Variants in CGGBP1 observed in about 807,000 individuals in gnomAD.
CGGBP1 encodes CGG triplet repeat-binding protein 1.
In CGGBP1, 4 loss-of-function variants were observed where a neutral mutation model predicts 11.4. The observed-to-expected ratio is 0.35, with a 90% CI of 0.17 to 0.80. The LOEUF (loss-of-function observed/expected upper bound fraction) is 0.80, where lower values mean the gene tolerates loss of function less well. CGGBP1 is among the 30% of genes least tolerant of loss of function. The pLI, the probability that CGGBP1 is intolerant of heterozygous loss-of-function variation, is 0.52. For missense variants in CGGBP1, 135 were observed against 202.1 expected, an observed-to-expected ratio of 0.67 and a Z score of 2.01; for synonymous variants, 76 against 74.1, an observed-to-expected ratio of 1.03 and a Z score of -0.13.
intron 2 of CGGBP1, among the ~76,000 whole-genome samples, chr3:88,116,603 G>A (rs1234370383): frequency 6.7e-6 from 1 of 148,822 alleles, no homozygotes; most frequent in Non-Finnish European, 1.5e-5. Context: ...ATATATGTGT[G>A]TATATATGTT....
upstream of CGGBP1, chr3:88,059,586 C>T: frequency 1.4e-6 from 2 of 1,439,824 alleles, no homozygotes; most frequent in African/African-American, 1.4e-5. Flanking sequence ...GTCCATGAAT[C>T]TGGTCTATGT....
At position 88,131,640 on chromosome 3, in the gene CGGBP1, C is replaced by A. The variant is rs1271893954; in HGVS notation, c.-229+9330G>T. 4.6e-5 allele frequency among the ~76,000 whole-genome samples: 7 copies of A among 152,216 alleles called. No homozygotes were observed. In the East Asian group the frequency reaches 1.4e-3, roughly 29 times the overall value. ...GTCTTCTGGCTCCTGGCCACAGAAA[C>A]CTTCTAAGAATAGAGGCTCAGTGTC... On this transcript the variant is annotated intron_variant, in intron 2 of 3. Transcript: ENST00000462901.
intron 2 of CGGBP1, among the ~76,000 whole-genome samples, chr3:88,071,916 A>G (rs1168669589): frequency 2.0e-5 from 3 of 152,244 alleles, no homozygotes; most frequent in East Asian, 3.9e-4. Flanking sequence ...AACTTCAACA[A>G]CTATTAAATG....
chr3:88,107,473 A>G (rs1286690000), intron 2 of CGGBP1, among the ~76,000 whole-genome samples: 4 of 152,134 alleles, frequency 2.6e-5, no homozygotes, highest in Admixed American at 2.6e-4. Context: ...AGCTAGATGT[A>G]TAATTGTTTT....
intron 2 of CGGBP1, chr3:88,086,165 T>C: frequency 1.6e-6 from 2 of 1,216,570 alleles, no homozygotes; most frequent in South Asian, 1.5e-5. Flanking sequence ...CGATCTAATA[T>C]TTTAATTTAT....
At chr3:88,059,654 T>C (rs1472164297), upstream of CGGBP1, 140 of 540,940 alleles carry the variant, frequency 2.6e-4, no homozygotes, top group East Asian at 5.6e-4. Context: ...CCTCCACTTA[T>C]CCGGCTTGGG....
In CGGBP1 at chr3:88,115,287, C is replaced by T. The variant is rs187414411; in HGVS notation, c.-229+25683G>A. On this transcript the variant is annotated intron_variant, in intron 2 of 3. Transcript: ENST00000462901. ...ATTTGAGTTAACTTCTCTTTCCCCC[C>T]GCTGTATTTCAACTGTGAGTTTACC... 8.7e-4 allele frequency among the ~76,000 whole-genome samples: 133 copies of T among 152,296 alleles called. 1 individual carries two copies. Among genetic ancestry groups the T allele is most frequent in the African/African-American group, 2.3e-3 (97 of 41,552 alleles).
chr3:88,148,534 A>G (rs1446284908), intron 1 of CGGBP1, among the ~76,000 whole-genome samples: 2 of 152,228 alleles, frequency 1.3e-5, no homozygotes, highest in Non-Finnish European at 2.9e-5. Context: ...AAATACGAAG[A>G]ATTCCTGTGT....
At chr3:88,089,512 T>C (rs1708525786) in intron 2 of CGGBP1, among the ~76,000 whole-genome samples, 1 of 151,956 alleles carries the variant, frequency 6.6e-6, no homozygotes, top group South Asian at 2.1e-4. Flanking sequence ...AATGTTTTAT[T>C]AGATAACTAA....
At chr3:88,102,146 G>A (rs1559711399) in intron 2 of CGGBP1, among the ~76,000 whole-genome samples, 1 of 152,080 alleles carries the variant, frequency 6.6e-6, no homozygotes, top group Non-Finnish European at 1.5e-5. Context: ...CTGGTTTAAA[G>A]AAATTTGGTT....
chr3:88,058,861 GAAAGGA>G lies in CGGBP1; in HGVS notation c.-383_-378del. 1 of 156,856 alleles carries G rather than the reference GAAAGGA, an allele frequency of 6.4e-6. No individual in the cohort carries two copies. The highest frequency in any genetic ancestry group is 1.8e-4 in the South Asian group (1 of 5,680). The allele number at this position is 156,856 out of a possible 1,614,324, so 9.7% of individuals were successfully genotyped here. A position where few individuals can be genotyped will look rare whatever the true frequency, so the allele number is the denominator to read the frequency against. On this transcript the variant is annotated 5_prime_UTR_variant, in exon 1 of 4. Transcript: ENST00000482016. The stretch of plus-strand genomic sequence containing the variant: ...AGGGAAAGTGGACGAGGCCCGGCCG[GAAAGGA>G]AAAGAAAAGGAAGAAAGAGGAGCAA...
chr3:88,118,889 G>A (rs1326602808), intron 2 of CGGBP1, among the ~76,000 whole-genome samples: 1 of 151,346 alleles, frequency 6.6e-6, no homozygotes, highest in Non-Finnish European at 1.5e-5. Flanking sequence ...GAAACAACAG[G>A]TGCTGGAGAG....
At chr3:88,138,684 C>T (rs1706952831) in intron 2 of CGGBP1, 1 of 1,219,730 alleles carries the variant, frequency 8.2e-7, no homozygotes, top group Admixed American at 4.2e-5. Context: ...GTATTTAGCA[C>T]TAATATTTTT....
upstream of CGGBP1, chr3:88,059,307 C>A (rs1368979443): frequency 6.5e-7 from 1 of 1,532,600 alleles, no homozygotes; most frequent in Non-Finnish European, 8.7e-7. Flanking sequence ...ACGCGCTGGG[C>A]GGCGAGAGCC....
chr3:88,149,851 C>A (rs1707377152), exon 1 of CGGBP1: 1 of 610,758 alleles, frequency 1.6e-6, no homozygotes, highest in Non-Finnish European at 2.9e-6. Context: ...TCACTCCGTC[C>A]CCAGCCCGGA....
chr3:88,061,444 T>C (rs555271541), upstream of CGGBP1, among the ~76,000 whole-genome samples: 1 of 152,346 alleles, frequency 6.6e-6, no homozygotes, highest in East Asian at 1.9e-4. Flanking sequence ...TGCTAAATTA[T>C]GTTAGACTGA....
intron 2 of CGGBP1, chr3:88,126,084 G>A: frequency 7.1e-7 from 1 of 1,406,624 alleles, no homozygotes; most frequent in Non-Finnish European, 9.3e-7. Context: ...ATCAAGTTTA[G>A]TTTTTAACCC....
upstream of CGGBP1, chr3:88,059,627 T>G (rs1576166806): frequency 7.6e-7 from 1 of 1,318,788 alleles, no homozygotes; most frequent in Non-Finnish European, 9.8e-7. Flanking sequence ...ACAAGGAGGG[T>G]GAGGCTGAAG....
intron 2 of CGGBP1, among the ~76,000 whole-genome samples, chr3:88,071,205 G>A (rs1035142090): frequency 1.3e-5 from 2 of 152,102 alleles, no homozygotes; most frequent in Non-Finnish European, 1.5e-5. Context: ...TTATTATCTC[G>A]TTTCTTAAAA....
Sources: allele counts gnomAD v4.1 joint callset (sites outside exome capture counted in the v4.1 genomes callset), GRCh38; gene constraint gnomAD v4.1.1; transcripts MANE v1.5; gene names NCBI Gene and HGNC (gene_info 2026-07-23, HGNC 2026-07-21).